Variants in RASAL2 observed in about 807,000 individuals in gnomAD.
RASAL2 encodes RAS protein activator like 2.
Under a neutral mutation model 128.9 loss-of-function variants are expected in RASAL2, and 58 were observed. The observed-to-expected ratio is 0.45, with a 90% CI of 0.36 to 0.56. The LOEUF (loss-of-function observed/expected upper bound fraction) is 0.56. Among genes scored for constraint, RASAL2 ranks in the 20% least tolerant of loss-of-function variants. RASAL2 has a pLI of 0.00. For missense variants in RASAL2, 1,360 were observed against 1,601.6 expected, an observed-to-expected ratio of 0.85 and a Z score of 2.57; for synonymous variants, 561 against 580.8, an observed-to-expected ratio of 0.97 and a Z score of 0.49.
chr1:178,129,091 T>C (rs1660003613), intron 1 of RASAL2, among the ~76,000 whole-genome samples: 1 of 152,138 alleles, frequency 6.6e-6, no homozygotes, highest in Non-Finnish European at 1.5e-5. Context: ...CAGTTCTCTT[T>C]GGCATATACC....
At chr1:178,472,978 AACT>A in intron 17 of RASAL2, 94 bp from the exon 18 acceptor site, 3 of 1,409,672 alleles carry the variant, frequency 2.1e-6, no homozygotes, top group Non-Finnish European at 3.0e-6. Context: ...CCATGCATAC[AACT>A]GTTTGAGAGA....
chr1:178,184,003 T>C (rs184668670), intron 1 of RASAL2, among the ~76,000 whole-genome samples: 2 of 152,192 alleles, frequency 1.3e-5, no homozygotes, highest in Non-Finnish European at 2.9e-5. Context: ...CTAATAGGTA[T>C]GTAGTGTTAA....
At chr1:178,461,364 A>G (rs560615239) in intron 14 of RASAL2, among the ~76,000 whole-genome samples, 1 of 152,138 alleles carries the variant, frequency 6.6e-6, no homozygotes, top group Non-Finnish European at 1.5e-5. Context: ...AGTAGTGGCC[A>G]TTGTCTGCAG....
At chr1:178,264,310 T>C (rs569002342) in intron 1 of RASAL2, among the ~76,000 whole-genome samples, 1 of 152,350 alleles carries the variant, frequency 6.6e-6, no homozygotes, top group Admixed American at 6.5e-5. Context: ...TACCATCATA[T>C]TTTAAATAAC....
At chr1:178,198,226 G>A (rs1662742171) in intron 1 of RASAL2, among the ~76,000 whole-genome samples, 1 of 152,102 alleles carries the variant, frequency 6.6e-6, no homozygotes, top group Non-Finnish European at 1.5e-5. Context: ...CCCAGTAATG[G>A]GATCTCTGGG....
At position 178,478,770 on chromosome 1, in the gene RASAL2, G is replaced by A. The variant is rs148594481; in HGVS notation, c.*5531G>A. 5 of 152,120 alleles carry A rather than the reference G, an allele frequency of 3.3e-5. No individual in the cohort carries two copies. Among genetic ancestry groups the A allele is most frequent in the African/African-American group, 9.7e-5 (4 of 41,422 alleles). The allele number at this position is 152,120 out of a possible 1,614,324, so 9.4% of individuals were successfully genotyped here. The stretch of plus-strand genomic sequence containing the variant: ...CTGTGAATAATTTTTGACAGTTCTT[G>A]TACATGTACAGATATAGATACGTTT... On this transcript the variant is annotated 3_prime_UTR_variant, in exon 18 of 18. Coordinates refer to ENST00000367649, the MANE Select transcript of RASAL2 (RefSeq NM_170692.4).
intron 5 of RASAL2, among the ~76,000 whole-genome samples, chr1:178,434,041 TA>T (rs1438473804): frequency 1.3e-5 from 2 of 152,068 alleles, no homozygotes; most frequent in African/African-American, 4.8e-5. Context: ...AATAAGGAAA[TA>T]AAAGCTGTAG....
rs1274153580 is a variant in RASAL2, at chr1:178,094,350, TGA to T, written c.-139_-138del. 2 of 724,446 alleles carry T rather than the reference TGA, an allele frequency of 2.8e-6. No individual in the cohort carries two copies. Among genetic ancestry groups the T allele is most frequent in the African/African-American group, 3.8e-5 (2 of 52,430 alleles). The allele number at this position is 724,446 out of a possible 1,614,324, so 44.9% of individuals were successfully genotyped here. ...GGGCAGTGGGCGACGGGGAAGGAGG[TGA>T]GAGGTGTCCGCGCCGGCTGCCGCTC... On this transcript the variant is annotated 5_prime_UTR_variant, in exon 1 of 18. Coordinates refer to ENST00000367649, the MANE Select transcript of RASAL2 (RefSeq NM_170692.4).
chr1:178,250,069 TAG>T (rs1664969575), intron 1 of RASAL2, among the ~76,000 whole-genome samples: 1 of 152,276 alleles, frequency 6.6e-6, no homozygotes, highest in African/African-American at 2.4e-5. Flanking sequence ...GTCTGTCCCT[TAG>T]CAGAGCTTGA....
intron 3 of RASAL2, among the ~76,000 whole-genome samples, chr1:178,339,428 G>T (rs943914420): frequency 1.3e-5 from 2 of 152,208 alleles, no homozygotes; most frequent in African/African-American, 4.8e-5. Context: ...CCTGCAGCAT[G>T]AGTGAGTTCT....
chr1:178,247,740 C>T (rs1032648607), intron 1 of RASAL2, among the ~76,000 whole-genome samples: 1 of 152,084 alleles, frequency 6.6e-6, no homozygotes, highest in Non-Finnish European at 1.5e-5. Flanking sequence ...ACTGCCTTAG[C>T]TGTATCCCAG....
chr1:178,370,310 A>G (rs1671627925), intron 3 of RASAL2, among the ~76,000 whole-genome samples: 1 of 152,178 alleles, frequency 6.6e-6, no homozygotes, highest in Non-Finnish European at 1.5e-5. Context: ...AGGAAGTTTG[A>G]GTGTAATCCT....
chr1:178,368,416 T>A (rs889542719), intron 3 of RASAL2, among the ~76,000 whole-genome samples: 1 of 152,176 alleles, frequency 6.6e-6, no homozygotes, highest in Admixed American at 6.5e-5. Context: ...TGTATATGCA[T>A]ATATACAGAC....
intron 1 of RASAL2, among the ~76,000 whole-genome samples, chr1:178,242,698 TCC>T (rs1664570446): frequency 6.6e-6 from 1 of 152,096 alleles, no homozygotes; most frequent in Non-Finnish European, 1.5e-5. Flanking sequence ...CTTTCTTCTC[TCC>T]TAGATCTCTG....
chr1:178,266,319 A>C (rs954364464), intron 1 of RASAL2, among the ~76,000 whole-genome samples: 1 of 152,172 alleles, frequency 6.6e-6, no homozygotes, highest in Non-Finnish European at 1.5e-5. Flanking sequence ...CATTTCCCTG[A>C]TGAGTAATGA....
chr1:178,304,999 A>G (rs569969544), intron 3 of RASAL2, among the ~76,000 whole-genome samples: 1 of 152,340 alleles, frequency 6.6e-6, no homozygotes, highest in South Asian at 2.1e-4. Context: ...GCATTTCTGT[A>G]TGTTAACAGT....
At chr1:178,415,183 T>C (rs1000242041) in intron 4 of RASAL2, among the ~76,000 whole-genome samples, 2 of 152,168 alleles carry the variant, frequency 1.3e-5, no homozygotes, top group Non-Finnish European at 2.9e-5. Flanking sequence ...TTTCTTCTTT[T>C]CTAGTATATG....
At chr1:178,345,691 AC>A (rs1670115812) in intron 3 of RASAL2, among the ~76,000 whole-genome samples, 1 of 152,156 alleles carries the variant, frequency 6.6e-6, no homozygotes, top group African/African-American at 2.4e-5. Flanking sequence ...TTCCAGGAAT[AC>A]CTGGAATATG....
chr1:178,362,613 T>G (rs184756678), intron 3 of RASAL2, among the ~76,000 whole-genome samples: 61 of 152,242 alleles, frequency 4.0e-4, no homozygotes, highest in African/African-American at 1.3e-3. Context: ...GCTGCAAACT[T>G]TATACCCTTT....
Sources: allele counts gnomAD v4.1 joint callset (sites outside exome capture counted in the v4.1 genomes callset), GRCh38; gene constraint gnomAD v4.1.1; transcripts MANE v1.5; gene names NCBI Gene and HGNC (gene_info 2026-07-23, HGNC 2026-07-21).